The following NCOA1 variants were observed in gnomAD, a reference collection of about 807,000 sequenced individuals.
NCOA1 encodes nuclear receptor coactivator 1, also known as Hin-2 protein.
NCOA1 carries 35 observed loss-of-function variants against 150.9 expected under a neutral mutation model. The observed-to-expected ratio is 0.23, with a 90% confidence interval of 0.18 to 0.31. The LOEUF is 0.31. Among genes scored for constraint, NCOA1 ranks in the 10% least tolerant of loss-of-function variants. The probability of loss-of-function intolerance (pLI) is 1.00; values close to 1 mark genes in which losing one functional copy is unlikely to be tolerated. For synonymous variants in NCOA1, 590 were observed against 630.0 expected (o/e 0.94, Z 0.95); for missense variants, 1,491 against 1,749.3 (o/e 0.85, Z 2.63).
At chr2:24,709,492 G>A (rs1255673210) in intron 13 of NCOA1, among the ~76,000 whole-genome samples, 1 of 152,138 alleles carries the variant, frequency 6.6e-6, no homozygotes, top group African/African-American at 2.4e-5. Context: ...CTAGTCTCGT[G>A]ACCATTTTTT....
chr2:24,632,462 G>A (rs1440917581), intron 3 of NCOA1, among the ~76,000 whole-genome samples: 1 of 152,182 alleles, frequency 6.6e-6, no homozygotes, highest in African/African-American at 2.4e-5. Context: ...TGACAAGTGG[G>A]AGGCTTGAGG....
At chr2:24,719,385 T>TCAAAATTTGTTGAAATGTA (rs1285682136) in intron 14 of NCOA1, among the ~76,000 whole-genome samples, 2 of 152,196 alleles carry the variant, frequency 1.3e-5, no homozygotes, top group East Asian at 3.9e-4. Context: ...TATACCTTTC[T>TCAAAATTTGTTGAAATGTA]CAAAATTTGT....
intron 3 of NCOA1, among the ~76,000 whole-genome samples, chr2:24,605,846 A>T (rs1177568503): frequency 6.6e-6 from 1 of 152,172 alleles, no homozygotes; most frequent in Non-Finnish European, 1.5e-5. Flanking sequence ...ATGCATCATC[A>T]TTCAGTTTCT....
rs1296115667 is a variant in NCOA1, at chr2:24,768,911, G to A, written c.*520G>A. The A allele has an allele frequency of 1.8e-5, 4 of 219,876 alleles. No individual in the cohort carries two copies. Among genetic ancestry groups the A allele is most frequent in the Non-Finnish European group, 3.7e-5 (4 of 109,460 alleles). The allele number at this position is 219,876 out of a possible 1,614,324, so 13.6% of individuals were successfully genotyped here. On this transcript the variant is annotated 3_prime_UTR_variant, in exon 23 of 23. Coordinates refer to ENST00000348332, the MANE Select transcript of NCOA1 (RefSeq NM_003743.5). ...CTTGTGTGTACAATCAGCTTCTCTA[G>A]CAACTCTGTATCTGTTGGCTTCAAG...
intron 22 of NCOA1, 48 bp from the exon 23 acceptor site, chr2:24,768,172 CG>C (rs764722176): frequency 1.9e-6 from 3 of 1,612,964 alleles, no homozygotes; most frequent in Non-Finnish European, 2.5e-6. Context: ...ACTCATAAGC[CG>C]GGGGGGCAGA....
At chr2:24,520,229 C>T (rs962354138) in intron 1 of NCOA1, among the ~76,000 whole-genome samples, 2 of 152,078 alleles carry the variant, frequency 1.3e-5, no homozygotes, top group Admixed American at 6.6e-5. Context: ...ACATGTGACC[C>T]AGCCATTCTA....
chr2:24,689,415 C>CTT (rs201291904), intron 8 of NCOA1, among the ~76,000 whole-genome samples: 1 of 146,062 alleles, frequency 6.8e-6, no homozygotes, highest in Non-Finnish European at 1.5e-5. Context: ...TTAACGAATC[C>CTT]TTTTTTTTTT....
chr2:24,653,219 G>A (rs1313708580), intron 4 of NCOA1, among the ~76,000 whole-genome samples: 1 of 152,158 alleles, frequency 6.6e-6, no homozygotes, highest in African/African-American at 2.4e-5. Context: ...TTCAATCTGT[G>A]AGATTGTATT....
chr2:24,749,422 G>A (rs72797927), intron 19 of NCOA1, among the ~76,000 whole-genome samples: 7,958 of 152,274 alleles, frequency 0.052, 301 homozygotes, highest in East Asian at 0.19. Flanking sequence ...ATGCGCGCAC[G>A]CGGGCATGCG....
chr2:24,507,977 AGC>A (rs751740262), intron 1 of NCOA1, among the ~76,000 whole-genome samples: 11 of 152,198 alleles, frequency 7.2e-5, no homozygotes, highest in Non-Finnish European at 1.2e-4. Context: ...ATTTCATTAT[AGC>A]ATGTGCTCAT....
rs532605891 is a variant in NCOA1 at position 24,634,586 on chromosome 2, C to A, written c.-174-9380C>A. Among the ~76,000 whole-genome samples, 19 of 152,148 alleles carry A rather than the reference C, an allele frequency of 1.2e-4. No individual in the cohort carries two copies. The South Asian group carries it at 3.9e-3, about 32-fold the overall frequency. ...GATAATGAAGACAGAAGGTCCTTTA[C>A]CCATGAGAGACAATTTAAAACTAGG... On this transcript the variant is annotated intron_variant, in intron 3 of 22. Transcript: ENST00000348332.
chr2:24,730,513 T>C (rs534057325), intron 17 of NCOA1, among the ~76,000 whole-genome samples: 16 of 152,176 alleles, frequency 1.1e-4, no homozygotes, highest in South Asian at 2.1e-4. Context: ...GAAAAGAAAA[T>C]AAAGTTTATT....
chr2:24,751,753 A>T (rs1422309643), intron 19 of NCOA1, among the ~76,000 whole-genome samples: 1 of 152,210 alleles, frequency 6.6e-6, no homozygotes, highest in African/African-American at 2.4e-5. Context: ...TTCCGAGCTT[A>T]CATTTATTTC....
At chr2:24,755,090 C>G (rs958743555) in intron 20 of NCOA1, among the ~76,000 whole-genome samples, 1 of 152,166 alleles carries the variant, frequency 6.6e-6, no homozygotes, top group African/African-American at 2.4e-5. Context: ...TCACACAACA[C>G]AAGATACCAT....
intron 3 of NCOA1, among the ~76,000 whole-genome samples, chr2:24,597,554 G>A (rs1335419829): frequency 1.3e-5 from 2 of 152,128 alleles, no homozygotes; most frequent in Admixed American, 1.3e-4. Flanking sequence ...GTAATTGTAG[G>A]TGCTGGAGAG....
At chr2:24,661,405 G>GT (rs1420207578) in intron 5 of NCOA1, among the ~76,000 whole-genome samples, 1 of 151,636 alleles carries the variant, frequency 6.6e-6, no homozygotes, top group Admixed American at 6.6e-5. Context: ...AAATTTTCTG[G>GT]TTATTAACCT....
intron 8 of NCOA1, among the ~76,000 whole-genome samples, chr2:24,686,299 G>A (rs779417698): frequency 6.6e-6 from 1 of 152,152 alleles, no homozygotes; most frequent in African/African-American, 2.4e-5. Context: ...CACCACGCCT[G>A]ACCCTGTTCT....
chr2:24,667,389 C>T (rs747164251), intron 6 of NCOA1, among the ~76,000 whole-genome samples: 37 of 152,102 alleles, frequency 2.4e-4, no homozygotes, highest in Non-Finnish European at 2.9e-5. Context: ...TATCTTGCCC[C>T]CACTCCTCAC....
chr2:24,612,204 T>A (rs1668662047), intron 3 of NCOA1, among the ~76,000 whole-genome samples: 1 of 152,220 alleles, frequency 6.6e-6, no homozygotes, highest in Non-Finnish European at 1.5e-5. Flanking sequence ...AATTCTTGGT[T>A]GGAATTACTT....
Sources: allele counts gnomAD v4.1 joint callset (sites outside exome capture counted in the v4.1 genomes callset), GRCh38; gene constraint gnomAD v4.1.1; transcripts MANE v1.5; gene names NCBI Gene and HGNC (gene_info 2026-07-23, HGNC 2026-07-21).